Variants in KDM5C observed in about 807,000 individuals in gnomAD.
KDM5C encodes lysine demethylase 5C, also known as lysine-specific demethylase 5C.
In KDM5C, 16 loss-of-function variants were observed where a neutral mutation model predicts 110.6. The observed-to-expected ratio is 0.14, with a 90% CI of 0.10 to 0.22. The LOEUF (loss-of-function observed/expected upper bound fraction) is 0.22. Ranked by LOEUF, KDM5C falls within the 10% of genes least tolerant of loss-of-function variation. KDM5C has a pLI of 1.00. For missense variants in KDM5C, 681 were observed against 1,300.9 expected (o/e 0.52, Z 7.33); for synonymous variants, 511 against 520.4 (o/e 0.98, Z 0.24).
intron 10 of KDM5C, among the ~76,000 whole-genome samples, chrX:53,211,136 T>A (rs781819129): frequency 1.8e-5 from 2 of 112,071 alleles, no homozygotes; most frequent in Non-Finnish European, 3.8e-5. Context: ...AAATGTACCC[T>A]TTCTTGGAAG....
In KDM5C at chrX:53,192,632, G is replaced by T. The variant is rs1934495499; in HGVS notation, c.*335C>A. The T allele has an allele frequency of 2.4e-6, 2 of 828,426 alleles. No individual in the cohort carries two copies. Among genetic ancestry groups the T allele is most frequent in the Non-Finnish European group, 3.5e-6 (2 of 573,907 alleles). The allele number at this position is 828,426 out of a possible 1,213,427, so 68.3% of individuals were successfully genotyped here. A position where few individuals can be genotyped will look rare whatever the true frequency, so the allele number is the denominator to read the frequency against. On this transcript the variant is annotated 3_prime_UTR_variant, in exon 26 of 26. Transcript: ENST00000375401. ...AGAAGGGAGGAGAGTCCCCCAGTTT[G>T]CATATACACTGGCCTTGTCTCTGGA...
chrX:53,195,085 A>G lies in KDM5C; in HGVS notation c.3301-17T>C. ...GCAGAGAACCTGGGGCAGGCAGACA[A>G]GAGAGGGAATGACTGGGCTTCCCTT... On this transcript the variant is annotated splice_polypyrimidine_tract_variant and intron_variant, in intron 21 of 25. Transcript: ENST00000375401. The G allele has an allele frequency of 8.3e-7, 1 of 1,206,398 alleles. No individual in the cohort carries two copies. Among genetic ancestry groups the G allele is most frequent in the Non-Finnish European group, 1.1e-6 (1 of 892,758 alleles).
intron 20 of KDM5C, 66 bp downstream of exon 20, chrX:53,195,850 C>T: frequency 8.8e-7 from 1 of 1,138,614 alleles, no homozygotes; most frequent in Non-Finnish European, 1.2e-6. Flanking sequence ...CCAGCACATC[C>T]CAGTGTATAT....
chrX:53,218,403 A>G lies in KDM5C; in HGVS notation c.229-5T>C, dbSNP rs1474628170. ...CAGTTTCACTCTCGTCTGGGCCTGA[A>G]GAAGAAATGGCTCAAAGAGGCTGGC... On this transcript the variant is annotated splice_region_variant and splice_polypyrimidine_tract_variant and intron_variant, in intron 2 of 25. Coordinates refer to ENST00000375401, the MANE Select transcript of KDM5C (RefSeq NM_004187.5). 2.5e-6 allele frequency: 3 copies of G among 1,208,903 alleles called. No individual in the cohort carries two copies. The highest frequency in any genetic ancestry group is 3.5e-5 in the African/African-American group (2 of 56,947).
At chrX:53,195,144 T>C in intron 21 of KDM5C, 76 bp from the exon 22 acceptor site, 1 of 1,174,109 alleles carries the variant, frequency 8.5e-7, no homozygotes, top group Non-Finnish European at 1.1e-6. Context: ...CTGGTGCCCC[T>C]ACAAAACCCA....
chrX:53,223,778 G>A (rs2146971722), intron 1 of KDM5C, among the ~76,000 whole-genome samples: 1 of 111,385 alleles, frequency 9.0e-6, no homozygotes, highest in African/African-American at 3.3e-5. Context: ...ATTCTGTTCT[G>A]CGGGCCCAAG....
At chrX:53,182,739 G>A (rs1316682760) in intron 25 of KDM5C, among the ~76,000 whole-genome samples, 1 of 112,778 alleles carries the variant, frequency 8.9e-6, no homozygotes, top group East Asian at 2.8e-4. Flanking sequence ...GTATATTCTG[G>A]ATAGTAAATC....
chrX:53,190,508 C>CT (rs1261653954), downstream of KDM5C, among the ~76,000 whole-genome samples: 1 of 112,105 alleles, frequency 8.9e-6, no homozygotes, highest in Admixed American at 9.4e-5. Context: ...TAGTTAAGTG[C>CT]TGAGATTGAG....
chrX:53,208,803 CTCTTTT>C (rs2073457671), intron 12 of KDM5C, among the ~76,000 whole-genome samples: 1 of 47,056 alleles, frequency 2.1e-5, no homozygotes, highest in African/African-American at 7.0e-5. Flanking sequence ...CCACACCCGG[CTCTTTT>C]TTTTTTTTTT....
chrX:53,214,204 C>T, intron 8 of KDM5C: 1 of 117,100 alleles, frequency 8.5e-6, no homozygotes, highest in Non-Finnish European at 1.8e-5. Flanking sequence ...ACGATCCGCC[C>T]ACCTCAGCCT....
intron 14 of KDM5C, chrX:53,201,136 G>C: frequency 1.0e-5 from 2 of 195,520 alleles, no homozygotes; most frequent in Middle Eastern, 4.1e-3. Context: ...TTTAGAGTAG[G>C]AAAGTGAGAT....
At chrX:53,207,968 C>CA (rs781945536) in intron 12 of KDM5C, among the ~76,000 whole-genome samples, 567 of 30,135 alleles carry the variant, frequency 0.019, 16 homozygotes, top group East Asian at 0.078. Context: ...GACTCTGTCT[C>CA]AAAAAAAAAA....
intron 23 of KDM5C, 125 bp from the exon 24 acceptor site, chrX:53,193,976 A>G: frequency 1.1e-6 from 1 of 937,064 alleles, no homozygotes. Context: ...ACAGGCTGCC[A>G]GCAGGGAGCA....
chrX:53,193,053 T>G lies in KDM5C; in HGVS notation c.4597A>C (p.Thr1533Pro), dbSNP rs145666414. 108 of 1,203,148 alleles carry G rather than the reference T, an allele frequency of 9.0e-5. No homozygotes were observed. In the African/African-American group the frequency reaches 1.8e-3, roughly 20 times the overall value. Residue 1533 changes from threonine to proline, a missense_variant, in exon 26 of 26, where the codon ACT becomes CCT. Coordinates refer to ENST00000375401, the MANE Select transcript of KDM5C (RefSeq NM_004187.5). ...QNGLEPAEGT[T>P]SGPSAPFSTL... is the part of the protein sequence containing the mutation. ...GAGAAAGGGGCCGAGGGGCCTGAAG[T>G]GGTCCCTTCCGCCGGTTCCAAGCCA...
intron 14 of KDM5C, 137 bp from the exon 15 acceptor site, chrX:53,199,295 A>G (rs1307486975): frequency 1.7e-5 from 10 of 597,157 alleles, no homozygotes; most frequent in Non-Finnish European, 2.7e-5. Context: ...AACCCCAGGG[A>G]GCATACCTGC....
intron 25 of KDM5C, among the ~76,000 whole-genome samples, chrX:53,183,258 T>TCTA (rs1330784400): frequency 1.7e-4 from 6 of 36,064 alleles, no homozygotes; most frequent in African/African-American, 4.6e-4. Context: ...AGACCCTGTC[T>TCTA]CTACAAAAAA....
intron 14 of KDM5C, among the ~76,000 whole-genome samples, chrX:53,199,960 A>G (rs2073092227): frequency 9.0e-6 from 1 of 111,598 alleles, no homozygotes; most frequent in Admixed American, 9.6e-5. Context: ...CTGTGTGATC[A>G]TGAGTAAATC....
intron 25 of KDM5C, among the ~76,000 whole-genome samples, chrX:53,182,190 T>C (rs1934085158): frequency 9.1e-6 from 1 of 110,135 alleles, no homozygotes; most frequent in African/African-American, 3.3e-5. Context: ...TTTCAAGTGA[T>C]TCTCCTGCCT....
chrX:53,188,427 G>A (rs1356768189), downstream of KDM5C, among the ~76,000 whole-genome samples: 4 of 108,229 alleles, frequency 3.7e-5, no homozygotes, highest in African/African-American at 1.4e-4. Flanking sequence ...CCAGACTGGA[G>A]TGCAATGGCG....
Sources: gnomAD v4.1 joint callset for allele counts (sites outside exome capture counted in the v4.1 genomes callset) on GRCh38, gnomAD v4.1.1 for gene constraint, MANE v1.5 for transcripts, NCBI Gene and HGNC (gene_info 2026-07-23, HGNC 2026-07-21) for gene names.